GRIK4: variants seen among roughly 807,000 people sequenced by gnomAD.
The protein encoded by GRIK4 is glutamate ionotropic receptor kainate type subunit 4, also known as glutamate receptor ionotropic, kainate 4.
Under a neutral mutation model 104.9 loss-of-function variants are expected in GRIK4, and 40 were observed. The ratio of observed to expected loss-of-function variants is 0.38; its 90% CI spans 0.30 to 0.50. GRIK4 has a LOEUF of 0.50. Ranked by LOEUF, GRIK4 falls within the 20% of genes least tolerant of loss-of-function variation. GRIK4 has a pLI of 0.93. For synonymous variants in GRIK4, 485 were observed against 524.9 expected (o/e 0.92, Z 1.04); for missense variants, 1,047 against 1,308.1 (o/e 0.80, Z 3.08).
At chr11:120,702,105 G>A (rs142600127) in intron 3 of GRIK4, among the ~76,000 whole-genome samples, 19,966 of 151,930 alleles carry the variant, frequency 0.13, 1,473 homozygotes, top group South Asian at 0.19. Flanking sequence ...ACAGGTGCAC[G>A]CCACCACGCC....
At chr11:120,617,708 A>T (rs1466356015) in intron 1 of GRIK4, among the ~76,000 whole-genome samples, 2 of 150,430 alleles carry the variant, frequency 1.3e-5, no homozygotes, top group Non-Finnish European at 3.0e-5. Context: ...CACCTCCCCC[A>T]CTCTTCCTCC....
chr11:120,761,520 G>A (rs566372116), intron 3 of GRIK4, among the ~76,000 whole-genome samples: 7 of 152,210 alleles, frequency 4.6e-5, no homozygotes, highest in South Asian at 2.1e-4. Context: ...TGAAATCTTT[G>A]CCCATGCCTA....
chr11:120,541,965 A>C (rs1041230327), intron 1 of GRIK4, among the ~76,000 whole-genome samples: 11 of 151,970 alleles, frequency 7.2e-5, no homozygotes, highest in Non-Finnish European at 1.0e-4. Flanking sequence ...AGAAAAAAAA[A>C]CCCTAAAATT....
At chr11:120,696,392 A>T (rs1311053756) in intron 3 of GRIK4, among the ~76,000 whole-genome samples, 1 of 151,502 alleles carries the variant, frequency 6.6e-6, no homozygotes, top group African/African-American at 2.4e-5. Context: ...CAGACTTGAA[A>T]AGAGCCTCAG....
chr11:120,672,949 C>A (rs1437402993), intron 3 of GRIK4, among the ~76,000 whole-genome samples: 1 of 152,190 alleles, frequency 6.6e-6, no homozygotes, highest in Non-Finnish European at 1.5e-5. Flanking sequence ...CTGGCCAGAA[C>A]TTCCAATACT....
intron 3 of GRIK4, among the ~76,000 whole-genome samples, chr11:120,721,883 C>T (rs1040768019): frequency 6.6e-6 from 1 of 152,134 alleles, no homozygotes; most frequent in Non-Finnish European, 1.5e-5. Flanking sequence ...ACGGTTAATA[C>T]CAGCAGTTAA....
intron 14 of GRIK4, among the ~76,000 whole-genome samples, chr11:120,943,084 A>G (rs1409536226): frequency 7.5e-6 from 1 of 133,894 alleles, no homozygotes; most frequent in African/African-American, 2.7e-5. Context: ...GTCTCTCCCA[A>G]TATCTCTATC....
At chr11:120,980,184 G>T (rs1042677860) in intron 19 of GRIK4, among the ~76,000 whole-genome samples, 1 of 152,174 alleles carries the variant, frequency 6.6e-6, no homozygotes, top group African/African-American at 2.4e-5. Context: ...AGTGATGGGG[G>T]CATCCTGTAG....
At chr11:120,930,432 A>G (rs1170925438) in intron 13 of GRIK4, among the ~76,000 whole-genome samples, 3 of 152,196 alleles carry the variant, frequency 2.0e-5, no homozygotes, top group Non-Finnish European at 4.4e-5. Flanking sequence ...TTTAATTCCC[A>G]TAGAAGCTCC....
intron 1 of GRIK4, among the ~76,000 whole-genome samples, chr11:120,646,186 C>T (rs889610344): frequency 1.3e-5 from 2 of 152,206 alleles, no homozygotes; most frequent in African/African-American, 4.8e-5. Flanking sequence ...ACAATAATAG[C>T]AATAATCACA....
intron 8 of GRIK4, among the ~76,000 whole-genome samples, chr11:120,860,576 C>G (rs1313606606): frequency 6.6e-6 from 1 of 152,188 alleles, no homozygotes; most frequent in Admixed American, 6.5e-5. Flanking sequence ...AGTCCCATCC[C>G]CATAGCTATA....
intron 1 of GRIK4, among the ~76,000 whole-genome samples, chr11:120,538,538 A>G (rs1384100677): frequency 6.6e-6 from 1 of 152,210 alleles, no homozygotes; most frequent in Admixed American, 6.5e-5. Context: ...CACATTAGTA[A>G]TGAAATTGCA....
At chr11:120,666,640 T>A (rs11217950) in intron 3 of GRIK4, among the ~76,000 whole-genome samples, 46,286 of 152,136 alleles carry the variant, frequency 0.3, 7,607 homozygotes, top group East Asian at 0.48. Flanking sequence ...GTAACAGAGC[T>A]GATTTCCATA....
At chr11:120,660,493 G>A in intron 3 of GRIK4, 93 bp downstream of exon 3, 3 of 954,282 alleles carry the variant, frequency 3.1e-6, no homozygotes, top group South Asian at 2.9e-5. Context: ...TGGGGAAGCT[G>A]CCCAGCCCGT....
At chr11:120,968,287 C>A (rs1591344355) in intron 19 of GRIK4, among the ~76,000 whole-genome samples, 1 of 152,262 alleles carries the variant, frequency 6.6e-6, no homozygotes, top group East Asian at 1.9e-4. Context: ...TCAGTTAATG[C>A]CTATAAATTA....
intron 19 of GRIK4, among the ~76,000 whole-genome samples, chr11:120,973,724 C>T (rs1944513128): frequency 1.3e-5 from 2 of 152,234 alleles, no homozygotes; most frequent in Non-Finnish European, 2.9e-5. Context: ...TAAGAGGCTT[C>T]TTGGCCAAGC....
rs1442330363 is a variant in GRIK4, at chr11:120,819,689, A to G, written c.346-66A>G. 2 of 1,466,576 alleles carry G rather than the reference A, an allele frequency of 1.4e-6. No homozygotes were observed. The highest frequency in any genetic ancestry group is 2.3e-5 in the East Asian group (1 of 43,968). The allele number at this position is 1,466,576 out of a possible 1,614,324, so 90.8% of individuals were successfully genotyped here. A position where few individuals can be genotyped will look rare whatever the true frequency, so the allele number is the denominator to read the frequency against. ...CACCCTCCACAACCTCAGCTCACTCATCCCTCTTTCTTCCTTTTCACCCAC... is the reference window on the plus strand; with the variant it reads ...CACCCTCCACAACCTCAGCTCACTCGTCCCTCTTTCTTCCTTTTCACCCAC... On this transcript the variant is annotated intron_variant, in intron 5 of 20. Coordinates refer to ENST00000527524, the MANE Select transcript of GRIK4 (RefSeq NM_014619.5). The surrounding 1 kb of genome is among the most constrained non-coding windows in gnomAD (Gnocchi z 4.3).
chr11:120,899,712 A>G (rs1018935012), intron 12 of GRIK4, among the ~76,000 whole-genome samples: 2 of 152,192 alleles, frequency 1.3e-5, no homozygotes, highest in Non-Finnish European at 2.9e-5. Context: ...AACCAACTAC[A>G]TGTATTAAGC....
At chr11:120,671,748 A>G (rs995377545) in intron 3 of GRIK4, among the ~76,000 whole-genome samples, 10 of 152,212 alleles carry the variant, frequency 6.6e-5, no homozygotes, top group African/African-American at 2.4e-4. Flanking sequence ...CCATTTGTCA[A>G]TTTTGGCTTA....
Sources: allele counts gnomAD v4.1 joint callset (sites outside exome capture counted in the v4.1 genomes callset), GRCh38; gene constraint gnomAD v4.1.1; non-coding constraint Gnocchi (gnomAD v3.1); transcripts MANE v1.5; gene names NCBI Gene and HGNC (gene_info 2026-07-23, HGNC 2026-07-21).